The following RNLS variants were observed in gnomAD, a reference collection of about 807,000 sequenced individuals.
RNLS encodes the protein renalase.
Under a neutral mutation model 39.8 loss-of-function variants are expected in RNLS, and 39 were observed. The ratio of observed to expected loss-of-function variants is 0.98; its 90% CI spans 0.76 to 1.28. The LOEUF (loss-of-function observed/expected upper bound fraction) is 1.28, where lower values mean the gene tolerates loss of function less well. Ranked by LOEUF, RNLS falls within the 50% of genes most tolerant of loss-of-function variation. The probability of loss-of-function intolerance (pLI) is 0.00; values close to 1 mark genes in which losing one functional copy is unlikely to be tolerated. For synonymous variants in RNLS, 147 were observed against 150.7 expected (o/e 0.98, Z 0.18); for missense variants, 410 against 413.3 (o/e 0.99, Z 0.07).
At chr10:88,334,779 T>A (rs186820964) in intron 5 of RNLS, among the ~76,000 whole-genome samples, 2 of 152,126 alleles carry the variant, frequency 1.3e-5, no homozygotes, top group African/African-American at 4.8e-5. Context: ...GTGATTAGTA[T>A]CATCTGAATC....
the RNLS span, among the ~76,000 whole-genome samples, chr10:88,192,498 G>A: frequency 2.0e-5 from 3 of 152,212 alleles, no homozygotes; most frequent in Admixed American, 1.3e-4. Context: ...AATATTTAAT[G>A]CCATCCCATG....
intron 5 of RNLS, among the ~76,000 whole-genome samples, chr10:88,356,865 G>T (rs1441836118): frequency 2.0e-5 from 3 of 148,388 alleles, no homozygotes; most frequent in Admixed American, 6.8e-5. Flanking sequence ...CAGATAGATT[G>T]TCTTAATCTC....
intron 4 of RNLS, chr10:88,545,492 C>T (rs1229838425): frequency 4.4e-6 from 2 of 455,410 alleles, no homozygotes; most frequent in Admixed American, 4.7e-5. Context: ...TACAACTGCC[C>T]TTTACAAAAC....
intron 4 of RNLS, among the ~76,000 whole-genome samples, chr10:88,518,708 G>A (rs981888969): frequency 1.3e-5 from 2 of 151,936 alleles, no homozygotes; most frequent in African/African-American, 4.8e-5. Context: ...CTAGAGAGAG[G>A]AGAAAAGGAA....
intron 6 of RNLS, among the ~76,000 whole-genome samples, chr10:88,294,375 AATACT>A (rs979464364): frequency 6.6e-6 from 1 of 152,208 alleles, no homozygotes; most frequent in African/African-American, 2.4e-5. Context: ...ACAGTGGAAC[AATACT>A]ATTAGCCACT....
At chr10:88,573,222 G>C (rs1282727714) in intron 3 of RNLS, among the ~76,000 whole-genome samples, 161 bp from the exon 4 acceptor site, 1 of 152,086 alleles carries the variant, frequency 6.6e-6, no homozygotes, top group Non-Finnish European at 1.5e-5. Flanking sequence ...CTAATTTAGT[G>C]GGAATTCATC....
At chr10:88,353,619 CT>C (rs1848907506) in intron 5 of RNLS, among the ~76,000 whole-genome samples, 2 of 152,136 alleles carry the variant, frequency 1.3e-5, no homozygotes, top group African/African-American at 4.8e-5. Flanking sequence ...CTGAGGAGTG[CT>C]TTACTTCCAA....
the RNLS span, among the ~76,000 whole-genome samples, chr10:88,268,087 T>C: frequency 6.6e-6 from 1 of 152,242 alleles, no homozygotes; most frequent in African/African-American, 2.4e-5. Flanking sequence ...TTGAACTGCA[T>C]ATGGATTCTT....
chr10:88,356,490 G>C (rs897568284), intron 5 of RNLS, among the ~76,000 whole-genome samples: 5 of 152,144 alleles, frequency 3.3e-5, no homozygotes, highest in Non-Finnish European at 7.3e-5. Context: ...GCCCATCCCA[G>C]TTATTTATAA....
At chr10:88,208,740 A>G in the RNLS span, among the ~76,000 whole-genome samples, 1 of 152,128 alleles carries the variant, frequency 6.6e-6, no homozygotes, top group East Asian at 1.9e-4. Flanking sequence ...GCAAATAAAA[A>G]CCATATAACT....
chr10:88,559,717 C>T (rs1053542658), intron 4 of RNLS, among the ~76,000 whole-genome samples: 2 of 145,340 alleles, frequency 1.4e-5, no homozygotes, highest in African/African-American at 2.5e-5. Flanking sequence ...ATACGAGGCA[C>T]TCACAAAGGA....
chr10:88,357,660 G>A (rs1849294434), intron 5 of RNLS, among the ~76,000 whole-genome samples: 1 of 152,126 alleles, frequency 6.6e-6, no homozygotes, highest in Admixed American at 6.5e-5. Flanking sequence ...ACATATATAG[G>A]TAGACTACAT....
chr10:88,191,052 C>A, the RNLS span, among the ~76,000 whole-genome samples: 1 of 152,218 alleles, frequency 6.6e-6, no homozygotes, highest in Admixed American at 6.5e-5. Flanking sequence ...GGCTCCTCTG[C>A]TTAGACCCAG....
intron 4 of RNLS, among the ~76,000 whole-genome samples, chr10:88,531,131 A>G (rs569298778): frequency 8.5e-5 from 13 of 152,152 alleles, no homozygotes; most frequent in Admixed American, 2.6e-4. Flanking sequence ...CCCAATATTT[A>G]TAAGTAGAGG....
chr10:88,279,429 A>G (rs549397383), downstream of RNLS, among the ~76,000 whole-genome samples: 33 of 152,276 alleles, frequency 2.2e-4, no homozygotes, highest in Middle Eastern at 0.01. Flanking sequence ...ATCCTACAGT[A>G]GGTAAAATTG....
chr10:88,485,034 G>A (rs1473541252), intron 4 of RNLS, among the ~76,000 whole-genome samples: 2 of 151,620 alleles, frequency 1.3e-5, no homozygotes, highest in East Asian at 1.9e-4. Context: ...TTGTTAAGAC[G>A]TTAATTGTAT....
intron 4 of RNLS, among the ~76,000 whole-genome samples, chr10:88,492,421 C>CTTTTTTT (rs35806120): frequency 1.5e-5 from 2 of 131,976 alleles, no homozygotes; most frequent in South Asian, 2.3e-4. Context: ...TTTTCTTTTT[C>CTTTTTTT]TTTTTTTTTT....
intron 4 of RNLS, among the ~76,000 whole-genome samples, chr10:88,443,094 T>C (rs1482223745): frequency 6.6e-6 from 1 of 152,214 alleles, no homozygotes; most frequent in Non-Finnish European, 1.5e-5. Flanking sequence ...CATCTTCTAT[T>C]TCTTCCCCTC....
At chr10:88,310,891 T>C (rs565048460) in intron 6 of RNLS, among the ~76,000 whole-genome samples, 4 of 149,044 alleles carry the variant, frequency 2.7e-5, no homozygotes, top group African/African-American at 9.9e-5. Flanking sequence ...AGTGAAGATA[T>C]ATAACTACAG....
Sources: gnomAD v4.1 joint callset for allele counts (sites outside exome capture counted in the v4.1 genomes callset) on GRCh38, gnomAD v4.1.1 for gene constraint, MANE v1.5 for transcripts, NCBI Gene and HGNC (gene_info 2026-07-23, HGNC 2026-07-21) for gene names.